The following LRRC7 variants were observed in gnomAD, a reference collection of about 807,000 sequenced individuals.
LRRC7 encodes the protein leucine-rich repeat-containing protein 7.
A neutral mutation model predicts 175.7 loss-of-function variants in LRRC7; 23 were observed. The ratio of observed to expected loss-of-function variants is 0.13; its 90% CI spans 0.09 to 0.19. The LOEUF (loss-of-function observed/expected upper bound fraction) is 0.19. Ranked by LOEUF, LRRC7 falls within the 10% of genes least tolerant of loss-of-function variation. The probability of loss-of-function intolerance (pLI) is 1.00; values close to 1 mark genes in which losing one functional copy is unlikely to be tolerated. For missense variants in LRRC7, 1,354 were observed against 1,904.7 expected, an observed-to-expected ratio of 0.71 and a Z score of 5.38; for synonymous variants, 685 against 680.9, an observed-to-expected ratio of 1.01 and a Z score of -0.09.
chr1:69,917,945 C>G (rs1646770286), intron 7 of LRRC7, among the ~76,000 whole-genome samples: 1 of 152,106 alleles, frequency 6.6e-6, no homozygotes, highest in African/African-American at 2.4e-5. Flanking sequence ...CATTATTTCT[C>G]TTTACATTTG....
chr1:69,754,473 G>C (rs1262178823), intron 2 of LRRC7, among the ~76,000 whole-genome samples: 1 of 152,044 alleles, frequency 6.6e-6, no homozygotes, highest in Non-Finnish European at 1.5e-5. Flanking sequence ...GAGAAACTAG[G>C]TCAGTGGTAC....
chr1:70,036,531 A>C lies in LRRC7; in HGVS notation c.2195A>C (p.Gln732Pro), dbSNP rs1659333111. Residue 732 changes from glutamine to proline, a missense_variant, in exon 20 of 27, where the codon CAG becomes CCG. Gln to Pro is a moderately conservative substitution (Grantham distance 76). Around this residue, in one of 4 missense-constraint regions of LRRC7, gnomAD observed 1,032 missense variants for 1,227.2 expected, o/e 0.84. Coordinates refer to ENST00000651989, the MANE Select transcript of LRRC7 (RefSeq NM_001370785.2). ...SGTYSDYSPSQASSGSSNTRV... is the reference protein window; with the variant it reads ...SGTYSDYSPSPASSGSSNTRV... ...ACTTACTCAGACTACTCGCCTTCCC[A>C]GGCTTCCTCAGGATCCTCTAATACC... The C allele has an allele frequency of 6.2e-7, 1 of 1,613,978 alleles. No homozygotes were observed. Among genetic ancestry groups the C allele is most frequent in the Admixed American group, 1.7e-5 (1 of 60,002 alleles).
chr1:70,107,630 AG>A (rs1398713316), intron 25 of LRRC7, 121 bp from the exon 26 acceptor site: 2 of 633,780 alleles, frequency 3.2e-6, no homozygotes, highest in African/African-American at 1.8e-5. Context: ...TATTCTTTGA[AG>A]CCTACATGCA....
At chr1:69,908,735 A>AG (rs1646411620) in intron 7 of LRRC7, among the ~76,000 whole-genome samples, 1 of 124,034 alleles carries the variant, frequency 8.1e-6, no homozygotes, top group East Asian at 2.2e-4. Context: ...GCTGAAAAAA[A>AG]TGTATATTCT....
chr1:69,852,102 C>A (rs1683054898), intron 7 of LRRC7, among the ~76,000 whole-genome samples: 1 of 151,972 alleles, frequency 6.6e-6, no homozygotes, highest in Non-Finnish European at 1.5e-5. Flanking sequence ...TGTCTCATGA[C>A]ACCTCAGGCA....
At chr1:70,033,651 C>T (rs928237641) in intron 18 of LRRC7, among the ~76,000 whole-genome samples, 4 of 152,122 alleles carry the variant, frequency 2.6e-5, no homozygotes, top group East Asian at 1.9e-4. Flanking sequence ...GGATCAGAAA[C>T]TTGAACCTGA....
At chr1:69,663,395 A>G (rs1448214490) in intron 1 of LRRC7, among the ~76,000 whole-genome samples, 1 of 152,196 alleles carries the variant, frequency 6.6e-6, no homozygotes, top group African/African-American at 2.4e-5. Context: ...AGATATTTTG[A>G]TACCGGCATG....
At chr1:69,612,765 ACC>A (rs1648973707) in intron 1 of LRRC7, among the ~76,000 whole-genome samples, 1 of 152,120 alleles carries the variant, frequency 6.6e-6, no homozygotes, top group Non-Finnish European at 1.5e-5. Flanking sequence ...ATATGTATAT[ACC>A]TATATAGTCG....
At chr1:69,791,847 T>C (rs1675157111) in intron 3 of LRRC7, among the ~76,000 whole-genome samples, 196 bp from the exon 4 acceptor site, 1 of 151,870 alleles carries the variant, frequency 6.6e-6, no homozygotes, top group African/African-American at 2.4e-5. Context: ...TAGCCAAAAA[T>C]AGAGGCACTA....
intron 7 of LRRC7, among the ~76,000 whole-genome samples, chr1:69,910,046 C>T (rs1436275082): frequency 6.6e-6 from 1 of 152,156 alleles, no homozygotes; most frequent in East Asian, 1.9e-4. Context: ...GATACCCTTT[C>T]TTCCAGTTGA....
At chr1:69,714,583 C>T (rs1665131204) in intron 2 of LRRC7, among the ~76,000 whole-genome samples, 1 of 152,116 alleles carries the variant, frequency 6.6e-6, no homozygotes. Flanking sequence ...GATGAAACCA[C>T]AGGCAGAAAT....
chr1:69,573,621 C>G (rs1048327073), intron 1 of LRRC7, among the ~76,000 whole-genome samples: 3 of 151,904 alleles, frequency 2.0e-5, no homozygotes, highest in African/African-American at 7.3e-5. Context: ...AATTAAGCCC[C>G]TGGGGAGGCA....
At chr1:69,793,282 G>A (rs999656604) in intron 4 of LRRC7, among the ~76,000 whole-genome samples, 1 of 152,090 alleles carries the variant, frequency 6.6e-6, no homozygotes, top group South Asian at 2.1e-4. Context: ...AGTTAGGGAA[G>A]GTTTTCCTAA....
At chr1:69,668,309 C>T (rs1014579447) in intron 1 of LRRC7, among the ~76,000 whole-genome samples, 12 of 151,846 alleles carry the variant, frequency 7.9e-5, no homozygotes, top group South Asian at 2.1e-4. Flanking sequence ...CCCCATCCCC[C>T]GACAGGCCGC....
intron 8 of LRRC7, among the ~76,000 whole-genome samples, chr1:69,941,225 A>C (rs911280655): frequency 6.6e-6 from 1 of 152,124 alleles, no homozygotes; most frequent in Middle Eastern, 3.2e-3. Flanking sequence ...AGAACCCTGT[A>C]AGACATTTTA....
In LRRC7 at chr1:70,072,578, A is replaced by ACTGCTGCTGCTGCTG. The variant is rs6143270; in HGVS notation, c.4231-3472_4231-3458dup. Among the ~76,000 whole-genome samples, 415 of 150,720 alleles carry ACTGCTGCTGCTGCTG rather than the reference A, an allele frequency of 2.8e-3. 2 individuals are homozygous for ACTGCTGCTGCTGCTG. The highest frequency in any genetic ancestry group is 5.0e-3 in the Non-Finnish European group (337 of 67,518). ...GCCTATAGCCCAAGAGAGACAAAAA[A>ACTGCTGCTGCTGCTG]CTGCTGCTGCTGCTGCTGCTGCTGC... On this transcript the variant is annotated intron_variant, in intron 23 of 26. Coordinates refer to ENST00000651989, the MANE Select transcript of LRRC7 (RefSeq NM_001370785.2).
At chr1:69,958,404 G>A (rs1217688526) in intron 8 of LRRC7, among the ~76,000 whole-genome samples, 8 of 152,000 alleles carry the variant, frequency 5.3e-5, no homozygotes, top group Non-Finnish European at 1.2e-4. Flanking sequence ...AGATAAGGAA[G>A]CAAAGGCAAA....
At chr1:70,094,574 C>T (rs1664257714) in intron 25 of LRRC7, among the ~76,000 whole-genome samples, 1 of 152,046 alleles carries the variant, frequency 6.6e-6, no homozygotes, top group Non-Finnish European at 1.5e-5. Flanking sequence ...TCCAGATGCC[C>T]AAACAGCCTG....
chr1:69,698,790 A>ATTGC (rs1170215119), intron 2 of LRRC7, among the ~76,000 whole-genome samples: 2 of 152,206 alleles, frequency 1.3e-5, no homozygotes, highest in Admixed American at 6.5e-5. Flanking sequence ...CAGCCTTGTG[A>ATTGC]TTGCTTTAAT....
Sources: gnomAD v4.1 joint callset for allele counts (sites outside exome capture counted in the v4.1 genomes callset) on GRCh38, gnomAD v4.1.1 for gene constraint, gnomAD v4.1.1 regional missense constraint, MANE v1.5 for transcripts, NCBI Gene and HGNC (gene_info 2026-07-23, HGNC 2026-07-21) for gene names.